Variants in CADPS2 observed in about 807,000 individuals in gnomAD.
CADPS2 encodes the protein calcium-dependent secretion activator 2.
In CADPS2, 93 loss-of-function variants were observed where a neutral mutation model predicts 172.5. That is an observed-to-expected ratio of 0.54 (90% CI 0.46 to 0.64). CADPS2 has a LOEUF of 0.64. Among genes scored for constraint, CADPS2 ranks in the 30% least tolerant of loss-of-function variants. CADPS2 has a pLI of 0.00. For synonymous variants in CADPS2, 546 were observed against 555.2 expected, an observed-to-expected ratio of 0.98 and a Z score of 0.23; for missense variants, 1,420 against 1,565.9, an observed-to-expected ratio of 0.91 and a Z score of 1.57.
At chr7:122,653,895 C>T (rs575198573) in intron 3 of CADPS2, among the ~76,000 whole-genome samples, 31 of 152,252 alleles carry the variant, frequency 2.0e-4, no homozygotes, top group Middle Eastern at 3.4e-3. Flanking sequence ...TCTTTCCCTC[C>T]GCTCAGCCCT....
At chr7:122,467,227 G>A (rs1031146644) in intron 14 of CADPS2, among the ~76,000 whole-genome samples, 2 of 152,088 alleles carry the variant, frequency 1.3e-5, no homozygotes, top group African/African-American at 4.8e-5. Flanking sequence ...CCCCAAAAGT[G>A]AGTCTCTCCA....
intron 2 of CADPS2, among the ~76,000 whole-genome samples, chr7:122,734,229 T>C (rs2091929813): frequency 6.7e-6 from 1 of 148,634 alleles, no homozygotes; most frequent in South Asian, 2.1e-4. Flanking sequence ...AATATAAATA[T>C]ATATTTAAAT....
At chr7:122,686,596 A>T (rs889698750) in intron 2 of CADPS2, among the ~76,000 whole-genome samples, 2 of 152,182 alleles carry the variant, frequency 1.3e-5, no homozygotes, top group Non-Finnish European at 2.9e-5. Context: ...GGTGATGCTG[A>T]GGCTGCTCGA....
At chr7:122,616,296 TCATAAA>T (rs1587857304) in intron 5 of CADPS2, among the ~76,000 whole-genome samples, 1 of 152,230 alleles carries the variant, frequency 6.6e-6, no homozygotes, top group African/African-American at 2.4e-5. Flanking sequence ...AAAACATCTA[TCATAAA>T]CATAATCTGT....
chr7:122,620,385 C>T (rs1350284625), intron 5 of CADPS2, among the ~76,000 whole-genome samples: 1 of 152,122 alleles, frequency 6.6e-6, no homozygotes, highest in African/African-American at 2.4e-5. Context: ...TAATGCCTGA[C>T]ATAAGTTCTT....
intron 2 of CADPS2, chr7:122,698,555 T>A: frequency 6.2e-7 from 1 of 1,614,100 alleles, no homozygotes; most frequent in Non-Finnish European, 8.5e-7. Context: ...CTGGCTCCCT[T>A]CTCAGTTGCC....
intron 1 of CADPS2, among the ~76,000 whole-genome samples, chr7:122,839,616 A>G (rs1252292119): frequency 1.3e-5 from 2 of 152,210 alleles, no homozygotes; most frequent in South Asian, 2.1e-4. Context: ...AAAAGTGGGC[A>G]AAGGATATGA....
chr7:122,685,050 T>C (rs1383646364), intron 2 of CADPS2, among the ~76,000 whole-genome samples: 1 of 152,186 alleles, frequency 6.6e-6, no homozygotes, highest in African/African-American at 2.4e-5. Flanking sequence ...CTTGTAGTTG[T>C]TTATTTTTTT....
chr7:122,481,980 G>A (rs547036763), intron 11 of CADPS2, among the ~76,000 whole-genome samples: 14 of 152,244 alleles, frequency 9.2e-5, no homozygotes, highest in African/African-American at 3.4e-4. Flanking sequence ...TCAGTGAGGC[G>A]AGATGGCACC....
rs569464955 is a variant in CADPS2 at position 122,385,292 on chromosome 7, T to C, written c.3312+1734A>G. On this transcript the variant is annotated intron_variant, in intron 24 of 29. Coordinates refer to ENST00000449022, the MANE Select transcript of CADPS2 (RefSeq NM_017954.11). Reference sequence around the variant, plus strand: ...AGGTTGTATGCTATGGTAATATAAATACATTTTTTTTTCTGCTGAATTGCT... The same window carrying C: ...AGGTTGTATGCTATGGTAATATAAACACATTTTTTTTTCTGCTGAATTGCT... 3.3e-5 allele frequency among the ~76,000 whole-genome samples: 5 copies of C among 151,584 alleles called. No homozygotes were observed. The South Asian group carries it at 1.0e-3, about 31-fold the overall frequency.
chr7:122,683,735 T>C (rs951733970), intron 2 of CADPS2, among the ~76,000 whole-genome samples: 101 of 112,302 alleles, frequency 9.0e-4, no homozygotes, highest in Admixed American at 1.4e-3. Flanking sequence ...TTTGATATAA[T>C]GTTAATGAAG....
In CADPS2 at chr7:122,581,248, A is replaced by C. The variant is rs762550046; in HGVS notation, c.1266T>G (p.Pro422=). 1.1e-5 allele frequency: 17 copies of C among 1,613,146 alleles called. No individual in the cohort carries two copies. Among genetic ancestry groups the C allele is most frequent in the Non-Finnish European group, 8.5e-7 (1 of 1,179,420 alleles). The change falls in exon 7 of 30, where the codon CCT becomes CCG. Residue 422 remains proline, a synonymous_variant. Transcript: ENST00000449022. ...QGDFTTTHPR[P]VVKVKLFTES... Reference sequence around the variant, plus strand: ...CTGTGAAGAGTTTCACTTTGACCACAGGCCGAGGATGGGTGGTGGTGAAAT... The same window carrying C: ...CTGTGAAGAGTTTCACTTTGACCACCGGCCGAGGATGGGTGGTGGTGAAAT...
At chr7:122,332,876 A>C (rs1184799569) in intron 28 of CADPS2, among the ~76,000 whole-genome samples, 2 of 152,212 alleles carry the variant, frequency 1.3e-5, no homozygotes, top group African/African-American at 4.8e-5. Context: ...TTTAAAAAAT[A>C]ATGTTCTTTA....
chr7:122,433,810 GAGA>G (rs537963463), intron 17 of CADPS2, among the ~76,000 whole-genome samples: 43 of 152,306 alleles, frequency 2.8e-4, no homozygotes, highest in African/African-American at 1.0e-3. Flanking sequence ...TCACTGTGAG[GAGA>G]AGATTTCTGT....
intron 28 of CADPS2, among the ~76,000 whole-genome samples, chr7:122,332,415 C>A (rs1159381726): frequency 2.9e-5 from 4 of 137,190 alleles, no homozygotes; most frequent in South Asian, 2.4e-4. Flanking sequence ...TTTTTTCAAT[C>A]AGAACAGAGA....
intron 1 of CADPS2, among the ~76,000 whole-genome samples, chr7:122,822,066 C>T (rs1803465671): frequency 6.6e-6 from 1 of 151,882 alleles, no homozygotes; most frequent in Non-Finnish European, 1.5e-5. Context: ...TTTACACTGC[C>T]GGTTTACACT....
At chr7:122,667,630 C>CTG (rs1230319990) in intron 2 of CADPS2, among the ~76,000 whole-genome samples, 2 of 151,790 alleles carry the variant, frequency 1.3e-5, no homozygotes, top group African/African-American at 4.8e-5. Context: ...TATAATAGGG[C>CTG]GACAGCAGCA....
intron 3 of CADPS2, among the ~76,000 whole-genome samples, chr7:122,643,056 T>C (rs2077861119): frequency 6.6e-6 from 1 of 152,222 alleles, no homozygotes; most frequent in Non-Finnish European, 1.5e-5. Flanking sequence ...ATTTATATTA[T>C]CTGTAAATCT....
chr7:122,539,247 A>G (rs1176788156), intron 8 of CADPS2, among the ~76,000 whole-genome samples: 1 of 152,102 alleles, frequency 6.6e-6, no homozygotes, highest in Non-Finnish European at 1.5e-5. Context: ...TATGGCAGTG[A>G]GATCCTGATG....
Sources: gnomAD v4.1 joint callset for allele counts (sites outside exome capture counted in the v4.1 genomes callset) on GRCh38, gnomAD v4.1.1 for gene constraint, MANE v1.5 for transcripts, NCBI Gene and HGNC (gene_info 2026-07-23, HGNC 2026-07-21) for gene names.